Variants in ZMYM5 observed in about 807,000 individuals in gnomAD.
The protein encoded by ZMYM5 is zinc finger MYM-type protein 5.
Under a neutral mutation model 61.8 loss-of-function variants are expected in ZMYM5, and 41 were observed. The ratio of observed to expected loss-of-function variants is 0.66; its 90% CI spans 0.52 to 0.86. The LOEUF is 0.86. ZMYM5 is among the 40% of genes least tolerant of loss of function. The pLI, the probability that ZMYM5 is intolerant of heterozygous loss-of-function variation, is 0.00. For missense variants in ZMYM5, 706 were observed against 786.7 expected, an observed-to-expected ratio of 0.90 and a Z score of 1.23; for synonymous variants, 257 against 276.4, an observed-to-expected ratio of 0.93 and a Z score of 0.70.
At position 19,825,031 on chromosome 13, in the gene ZMYM5, C is replaced by G. The variant is rs372925172; in HGVS notation, c.1456G>C (p.Val486Leu). Residue 486 changes from valine to leucine, a missense_variant, in exon 8 of 8, where the codon GTG becomes CTG. By Grantham distance (32) the Val-to-Leu change is conservative (BLOSUM62 1). Around this residue, in one of 2 missense-constraint regions of ZMYM5, gnomAD observed 226 missense variants for 325.0 expected, o/e 0.70. Transcript: ENST00000337963. ...GACGTGGAAGAAGGAGGTAAATTCA[C>G]ATTCTCTTGGATCAGTAATGTATCC... ...GTDTLLIQEN[V>L]NLPPSSTSTI... is the part of the protein sequence containing the mutation. 7.4e-5 allele frequency: 101 copies of G among 1,367,550 alleles called. No homozygotes were observed. Among genetic ancestry groups the G allele is most frequent in the Non-Finnish European group, 9.1e-5 (93 of 1,021,864 alleles). The allele number at this position is 1,367,550 out of a possible 1,614,324, so 84.7% of individuals were successfully genotyped here.
chr13:19,824,596 T>C lies in ZMYM5; in HGVS notation c.1891A>G (p.Asn631Asp), dbSNP rs1019326383. ...TTTAATTTTGAGTACTTAACACTATTGTTGACGTGCATTTCACTTTCTTCA... is the reference window on the plus strand; with the variant it reads ...TTTAATTTTGAGTACTTAACACTATCGTTGACGTGCATTTCACTTTCTTCA... The part of the protein sequence containing the change: ...KHEESEMHVN[N>D]SVKYSKLKSD... The change falls in exon 8 of 8, where the codon AAT becomes GAT. Residue 631 changes from asparagine (N) to aspartate (D), a missense_variant. Physicochemically the swap from Asn to Asp is conservative, Grantham distance 23 (BLOSUM62 1). Coordinates refer to ENST00000337963, the MANE Select transcript of ZMYM5 (RefSeq NM_001142684.2). The C allele has an allele frequency of 7.6e-7, 1 of 1,317,672 alleles. No individual in the cohort carries two copies. Among genetic ancestry groups the C allele is most frequent in the Non-Finnish European group, 1.0e-6 (1 of 996,054 alleles). 81.6% of individuals were successfully genotyped at this position (1,317,672 alleles called of 1,614,324 possible).
At chr13:19,841,432 C>T (rs1952873229) in intron 4 of ZMYM5, among the ~76,000 whole-genome samples, 1 of 152,136 alleles carries the variant, frequency 6.6e-6, no homozygotes, top group South Asian at 2.1e-4. Flanking sequence ...AACACATATT[C>T]AATAGGGAAA....
rs754806164 is a variant in ZMYM5 at position 19,824,387 on chromosome 13, T to TA, written c.*89dup. On this transcript the variant is annotated 3_prime_UTR_variant, in exon 8 of 8. Transcript: ENST00000337963. ...TGCAAGTTACTCTGTAGAGGAGACT[T>TA]ACAACACAATAGTACTGACTATTGC... is the stretch of plus-strand genomic sequence containing the variant. The TA allele has an allele frequency of 8.7e-5, 98 of 1,127,472 alleles. No homozygotes were observed. The highest frequency in any genetic ancestry group is 1.0e-4 in the Non-Finnish European group (90 of 901,268). 69.8% of individuals were successfully genotyped at this position (1,127,472 alleles called of 1,614,324 possible).
chr13:19,840,385 G>A (rs1021092086), intron 4 of ZMYM5, among the ~76,000 whole-genome samples: 5 of 152,128 alleles, frequency 3.3e-5, no homozygotes, highest in African/African-American at 9.7e-5. Context: ...GGTGGCGCTC[G>A]CTTGCAGTCC....
chr13:19,824,684 A>T lies in ZMYM5; in HGVS notation c.1803T>A (p.Asn601Lys). ...TGCACCCATTTTCATTTTTCAGTTGATTTTTTCCTTCCCCAAAGAGTTTGC... is the reference window on the plus strand; with the variant it reads ...TGCACCCATTTTCATTTTTCAGTTGTTTTTTTCCTTCCCCAAAGAGTTTGC... ...LYCKLFGEGK[N>K]QLKNENGCKD... The change falls in exon 8 of 8, where the codon AAT (asparagine) becomes AAA (lysine). Residue 601 changes from asparagine (N) to lysine (K), a missense_variant. Transcript: ENST00000337963. 1 of 1,341,522 alleles carries T rather than the reference A, an allele frequency of 7.5e-7. No individual in the cohort carries two copies. The highest frequency in any genetic ancestry group is 9.9e-7 in the Non-Finnish European group (1 of 1,010,514). 83.1% of individuals were successfully genotyped at this position (1,341,522 alleles called of 1,614,324 possible). A position where few individuals can be genotyped will look rare whatever the true frequency, so the allele number is the denominator to read the frequency against.
intron 4 of ZMYM5, among the ~76,000 whole-genome samples, chr13:19,850,951 G>T (rs1953268059): frequency 6.6e-6 from 1 of 152,190 alleles, no homozygotes; most frequent in South Asian, 2.1e-4. Context: ...GCTCACGCCT[G>T]TAATTCCAAC....
At chr13:19,842,440 A>G (rs1952910153) in intron 4 of ZMYM5, among the ~76,000 whole-genome samples, 1 of 152,168 alleles carries the variant, frequency 6.6e-6, no homozygotes, top group Admixed American at 6.6e-5. Context: ...TCAAACAACA[A>G]CATAATAATA....
chr13:19,836,759 T>C (rs1302020921), intron 6 of ZMYM5, among the ~76,000 whole-genome samples: 1 of 152,148 alleles, frequency 6.6e-6, no homozygotes, highest in African/African-American at 2.4e-5. Context: ...TGAGATAAAA[T>C]CATGTTCTTG....
chr13:19,847,803 A>ATTTT lies in ZMYM5; in HGVS notation c.586+3548_586+3551dup, dbSNP rs34176871. On this transcript the variant is annotated intron_variant, in intron 4 of 7. Transcript: ENST00000337963. The stretch of plus-strand genomic sequence containing the variant: ...AGGCACCTGCCACCATGCCCGGCTA[A>ATTTT]TTTTTTTTTTTTTTTTTTTTTTTTG... Among the ~76,000 whole-genome samples the ATTTT allele has an allele frequency of 1.2e-3, 93 of 79,878 alleles. 1 individual carries two copies. The highest frequency in any genetic ancestry group is 4.1e-3 in the East Asian group (10 of 2,468). The allele number at this position is 79,878 out of a possible 152,430, so 52.4% of individuals were successfully genotyped here. A position where few individuals can be genotyped will look rare whatever the true frequency, so the allele number is the denominator to read the frequency against.
chr13:19,863,056 G>A (rs1185665357), intron 1 of ZMYM5, among the ~76,000 whole-genome samples: 1 of 152,338 alleles, frequency 6.6e-6, no homozygotes, highest in South Asian at 2.1e-4. Context: ...CCTCGGCTCC[G>A]GCGGCAGGGT....
chr13:19,851,239 A>T, intron 4 of ZMYM5, 116 bp downstream of exon 4: 1 of 994,434 alleles, frequency 1.0e-6, no homozygotes, highest in Non-Finnish European at 1.5e-6. Flanking sequence ...ACAAACAAAC[A>T]AGCAAACAAA....
At chr13:19,862,834 G>A (rs8002435) in intron 1 of ZMYM5, among the ~76,000 whole-genome samples, 1,881 of 152,296 alleles carry the variant, frequency 0.012, 45 homozygotes, top group African/African-American at 0.043. Flanking sequence ...CATTTCAGAG[G>A]TAACGGGCGG....
intron 7 of ZMYM5, among the ~76,000 whole-genome samples, chr13:19,831,127 T>C (rs573403799): frequency 6.0e-5 from 4 of 66,984 alleles, no homozygotes; most frequent in Non-Finnish European, 1.6e-4. Context: ...ACACCCAGCC[T>C]ATTTTTTTTT....
At position 19,851,853 on chromosome 13, in the gene ZMYM5, T is replaced by C. The variant is rs1407019967; in HGVS notation, c.328A>G (p.Lys110Glu). 2.5e-6 allele frequency: 4 copies of C among 1,612,022 alleles called. No individual in the cohort carries two copies. The African/African-American group carries it at 5.4e-5, about 22-fold the overall frequency. The change falls in exon 3 of 8, where the codon AAA becomes GAA. Residue 110 changes from lysine to glutamate, a missense_variant. This residue lies in a region of ZMYM5 where 480 missense variants were observed against 461.7 expected (regional missense o/e 1.04). Transcript: ENST00000337963. ...PPSSRDLASQ[K>E]GNISETIVID... is the part of the protein sequence containing the mutation. ...ACAATTGTCTCACTTATATTTCCTT[T>C]CTGAGATGCCAAATCTCTTGAAGAA... is the stretch of plus-strand genomic sequence containing the variant.
At chr13:19,859,709 T>C (rs1391461801) in intron 2 of ZMYM5, among the ~76,000 whole-genome samples, 1 of 151,912 alleles carries the variant, frequency 6.6e-6, no homozygotes, top group Non-Finnish European at 1.5e-5. Flanking sequence ...GCCCGGCCTT[T>C]AGTTCCCAAT....
chr13:19,826,395 T>G (rs1315547210), intron 7 of ZMYM5, among the ~76,000 whole-genome samples: 1 of 151,640 alleles, frequency 6.6e-6, no homozygotes, highest in African/African-American at 2.4e-5. Context: ...TTTGTCAAAA[T>G]TTAAACAGAG....
intron 7 of ZMYM5, among the ~76,000 whole-genome samples, chr13:19,831,629 G>A (rs544824597): frequency 1.3e-5 from 2 of 151,202 alleles, no homozygotes; most frequent in Non-Finnish European, 2.9e-5. Flanking sequence ...AACCCCGTCC[G>A]TCTCTACCAA....
chr13:19,850,511 GA>G (rs1953248692), intron 4 of ZMYM5, among the ~76,000 whole-genome samples: 1 of 152,068 alleles, frequency 6.6e-6, no homozygotes, highest in Non-Finnish European at 1.5e-5. Context: ...TGAGGCAGGA[GA>G]ATCAGTTGAA....
intron 2 of ZMYM5, among the ~76,000 whole-genome samples, chr13:19,857,971 C>T (rs143316552): frequency 6.6e-6 from 1 of 151,920 alleles, no homozygotes; most frequent in Non-Finnish European, 1.5e-5. Flanking sequence ...CATGATCACA[C>T]CACTGCACTC....
Sources: gnomAD v4.1 joint callset for allele counts (sites outside exome capture counted in the v4.1 genomes callset) on GRCh38, gnomAD v4.1.1 for gene constraint, gnomAD v4.1.1 regional missense constraint, MANE v1.5 for transcripts, NCBI Gene and HGNC (gene_info 2026-07-23, HGNC 2026-07-21) for gene names.